Variants in XKR6 observed in about 807,000 individuals in gnomAD.
The protein encoded by XKR6 is XK related 6, also known as XK-related protein 6.
Under a neutral mutation model 56.7 loss-of-function variants are expected in XKR6, and 22 were observed. The ratio of observed to expected loss-of-function variants is 0.39; its 90% CI spans 0.28 to 0.55. XKR6 has a LOEUF of 0.55. XKR6 is among the 20% of genes least tolerant of loss of function. The pLI is 0.66. For synonymous variants in XKR6, 524 were observed against 387.8 expected (o/e 1.35, Z -4.13); for missense variants, 852 against 889.0 (o/e 0.96, Z 0.53).
At chr8:10,988,647 CTG>C in intron 1 of XKR6, among the ~76,000 whole-genome samples, 1 of 152,304 alleles carries the variant, frequency 6.6e-6, no homozygotes, top group Non-Finnish European at 1.5e-5. Context: ...ACCCCTGGGC[CTG>C]TCTGGGACAT....
At chr8:10,978,740 G>C (rs73539311) in intron 1 of XKR6, among the ~76,000 whole-genome samples, 7,941 of 152,222 alleles carry the variant, frequency 0.052, 604 homozygotes, top group African/African-American at 0.16. Flanking sequence ...TTCAGCCATA[G>C]ACCCCAGTCT....
At position 11,200,313 on chromosome 8, in the gene XKR6, G is replaced by A. The variant is rs978833765; in HGVS notation, c.764+263C>T. 5.9e-5 allele frequency among the ~76,000 whole-genome samples: 9 copies of A among 152,238 alleles called. No homozygotes were observed. The highest frequency in any genetic ancestry group is 1.7e-4 in the African/African-American group (7 of 41,472). On this transcript the variant is annotated intron_variant, in intron 1 of 2. Transcript: ENST00000416569. This position sits in a 1 kb window ranked among gnomAD's most constrained non-coding sequence, Gnocchi z 6.4. ...GGAGCTCTGCAGAGGGGACGGGGAG[G>A]GCAGGTTGGGGCAAGAGCCCCGCCG...
intron 1 of XKR6, among the ~76,000 whole-genome samples, chr8:11,158,766 C>G (rs1031439003): frequency 6.6e-6 from 1 of 152,154 alleles, no homozygotes; most frequent in African/African-American, 2.4e-5. Flanking sequence ...CGGACAGACA[C>G]AGCTAACACA....
chr8:11,169,287 G>C (rs537261100), intron 1 of XKR6, among the ~76,000 whole-genome samples: 1 of 152,106 alleles, frequency 6.6e-6, no homozygotes, highest in Non-Finnish European at 1.5e-5. Context: ...AATTTTCTTA[G>C]TCATGAGACA....
At chr8:10,941,749 G>C (rs1168865805) in intron 1 of XKR6, among the ~76,000 whole-genome samples, 1 of 152,168 alleles carries the variant, frequency 6.6e-6, no homozygotes, top group African/African-American at 2.4e-5. Context: ...GTTGTGAGGA[G>C]GCTGGGGAGC....
intron 1 of XKR6, among the ~76,000 whole-genome samples, chr8:11,117,519 T>C (rs954298231): frequency 6.6e-6 from 1 of 152,176 alleles, no homozygotes; most frequent in African/African-American, 2.4e-5. Context: ...TAAGGCAGCA[T>C]CTCTATCTTC....
chr8:11,045,553 T>C (rs923320013), intron 1 of XKR6, among the ~76,000 whole-genome samples: 2 of 152,220 alleles, frequency 1.3e-5, no homozygotes, highest in African/African-American at 2.4e-5. Flanking sequence ...TCCTCTGCTA[T>C]AAAACAGAGA....
Position 11,201,067 on chromosome 8 carries a change from C to G in XKR6, c.273G>C (p.Gly91=). The G allele has an allele frequency of 7.6e-7, 1 of 1,316,436 alleles. No homozygotes were observed. Among genetic ancestry groups the G allele is most frequent in the Non-Finnish European group, 9.7e-7 (1 of 1,035,510 alleles). The allele number at this position is 1,316,436 out of a possible 1,614,324, so 81.5% of individuals were successfully genotyped here. ...KPRRSAAADG[G]DQPLQPPAAP... ...CCGCGGGAGGCTGCAGCGGCTGGTC[C>G]CCCCCGTCGGCGGCGGCGCTGCGGC... is the stretch of plus-strand genomic sequence containing the variant. The change falls in exon 1 of 3, where the codon GGG becomes GGC. Residue 91 remains glycine, a synonymous_variant. Coordinates refer to ENST00000416569, the MANE Select transcript of XKR6 (RefSeq NM_173683.4).
chr8:11,178,141 G>A (rs1267770492), intron 1 of XKR6, among the ~76,000 whole-genome samples: 1 of 152,118 alleles, frequency 6.6e-6, no homozygotes, highest in African/African-American at 2.4e-5. Context: ...TGGAGAAACA[G>A]CTTATCTTAA....
chr8:11,031,232 G>A (rs1374599217), intron 1 of XKR6, among the ~76,000 whole-genome samples: 1 of 152,262 alleles, frequency 6.6e-6, no homozygotes, highest in Non-Finnish European at 1.5e-5. Context: ...GAGAAAGAGA[G>A]AGAGTGCGTG....
chr8:11,165,810 C>CA (rs1469415477), intron 1 of XKR6, among the ~76,000 whole-genome samples: 1 of 152,098 alleles, frequency 6.6e-6, no homozygotes, highest in East Asian at 1.9e-4. Context: ...AGCTCACGTA[C>CA]AATGGTAGAA....
chr8:11,047,349 T>C (rs539823999), intron 1 of XKR6, among the ~76,000 whole-genome samples: 10 of 152,288 alleles, frequency 6.6e-5, no homozygotes, highest in Non-Finnish European at 1.5e-4. Flanking sequence ...ACAAAAGATA[T>C]GTTAAGAATA....
intron 1 of XKR6, among the ~76,000 whole-genome samples, chr8:10,980,338 T>A (rs1586386309): frequency 1.3e-5 from 2 of 152,224 alleles, no homozygotes; most frequent in Middle Eastern, 6.8e-3. Flanking sequence ...GGGCTCTGAA[T>A]ACAAGGCAGA....
chr8:11,028,982 C>T (rs1283455918), intron 1 of XKR6, among the ~76,000 whole-genome samples: 3 of 152,164 alleles, frequency 2.0e-5, no homozygotes, highest in African/African-American at 7.2e-5. Flanking sequence ...TAGCTATGAG[C>T]TCTTTAAGGG....
chr8:10,916,228 C>G (rs1800560755), intron 2 of XKR6, among the ~76,000 whole-genome samples: 1 of 152,208 alleles, frequency 6.6e-6, no homozygotes, highest in Non-Finnish European at 1.5e-5. Flanking sequence ...GTTTTGGGAA[C>G]AAATTTTACT....
intron 1 of XKR6, among the ~76,000 whole-genome samples, chr8:11,070,697 A>C (rs1017691696): frequency 6.6e-6 from 1 of 152,238 alleles, no homozygotes; most frequent in African/African-American, 2.4e-5. Context: ...TTTATAAAAC[A>C]CTTATACAGA....
chr8:10,901,423 T>A (rs1800033701), intron 2 of XKR6, among the ~76,000 whole-genome samples: 1 of 152,144 alleles, frequency 6.6e-6, no homozygotes, highest in South Asian at 2.1e-4. Flanking sequence ...TCCTCCCACT[T>A]TGACCTCCCA....
At chr8:11,189,875 G>GGAC (rs1206280342) in intron 1 of XKR6, among the ~76,000 whole-genome samples, 2 of 152,218 alleles carry the variant, frequency 1.3e-5, no homozygotes, top group African/African-American at 4.8e-5. Flanking sequence ...CAGCTGCTTT[G>GGAC]GACGGGTGCA....
intron 1 of XKR6, among the ~76,000 whole-genome samples, chr8:11,059,632 G>A (rs1262631289): frequency 2.0e-5 from 3 of 150,854 alleles, no homozygotes; most frequent in Non-Finnish European, 4.4e-5. Flanking sequence ...CGGGGGGCGC[G>A]GGGCGGGGCG....
Sources: allele counts gnomAD v4.1 joint callset (sites outside exome capture counted in the v4.1 genomes callset), GRCh38; gene constraint gnomAD v4.1.1; non-coding constraint Gnocchi (gnomAD v3.1); transcripts MANE v1.5; gene names NCBI Gene and HGNC (gene_info 2026-07-23, HGNC 2026-07-21).